CFAP418: variants seen among roughly 807,000 people sequenced by gnomAD.
CFAP418 encodes the protein cilia and flagella associated protein 418.
Under a neutral mutation model 24.7 loss-of-function variants are expected in CFAP418, and 27 were observed. The ratio of observed to expected loss-of-function variants is 1.09; its 90% confidence interval spans 0.81 to 1.51. The LOEUF is 1.51. Among genes scored for constraint, CFAP418 ranks in the 40% most tolerant of loss-of-function variants. The probability of loss-of-function intolerance (pLI) is 0.00; values close to 1 mark genes in which losing one functional copy is unlikely to be tolerated. For synonymous variants in CFAP418, 74 were observed against 87.3 expected (o/e 0.85, Z 0.85); for missense variants, 257 against 255.2 (o/e 1.01, Z -0.05).
chr8:95,251,560 G>A lies in CFAP418; in HGVS notation c.470+628C>T, dbSNP rs559531731. Among the ~76,000 whole-genome samples, 3 of 152,288 alleles carry A rather than the reference G, an allele frequency of 2.0e-5. No individual in the cohort carries two copies. The East Asian group carries it at 5.8e-4, about 29-fold the overall frequency. ...GTAAGTGGAAGGGTGTTGAGCAGGA[G>A]GACGGTATACTCTGAGCTATGCTTT... On this transcript the variant is annotated intron_variant, in intron 5 of 5. Transcript: ENST00000286688.
intron 5 of CFAP418, among the ~76,000 whole-genome samples, 199 bp downstream of exon 5, chr8:95,251,989 C>T (rs748270720): frequency 2.6e-5 from 4 of 151,866 alleles, no homozygotes; most frequent in Non-Finnish European, 5.9e-5. Flanking sequence ...TTTTCAACTC[C>T]GTCATAATCT....
chr8:95,261,729 T>G (rs1184056838), intron 2 of CFAP418, among the ~76,000 whole-genome samples: 1 of 152,208 alleles, frequency 6.6e-6, no homozygotes, highest in Non-Finnish European at 1.5e-5. Context: ...AATTTACTTC[T>G]TCATGATTAT....
At chr8:95,249,656 GAA>G (rs58288207) in intron 5 of CFAP418, among the ~76,000 whole-genome samples, 4 of 140,712 alleles carry the variant, frequency 2.8e-5, no homozygotes, top group Admixed American at 7.1e-5. Context: ...GATTGGCTCA[GAA>G]AAAAAAAAAA....
intron 5 of CFAP418, among the ~76,000 whole-genome samples, chr8:95,248,389 C>T (rs1811658951): frequency 6.6e-6 from 1 of 152,086 alleles, no homozygotes; most frequent in Non-Finnish European, 1.5e-5. Flanking sequence ...TGGTTCATTT[C>T]CTACCTCAGA....
intron 5 of CFAP418, among the ~76,000 whole-genome samples, chr8:95,251,432 G>T (rs1478462526): frequency 2.0e-5 from 3 of 152,210 alleles, no homozygotes. Context: ...ATCTTGCAAA[G>T]GTGAAATATA....
intron 2 of CFAP418, 104 bp downstream of exon 2, chr8:95,263,583 A>T (rs1811926714): frequency 1.6e-6 from 1 of 634,844 alleles, no homozygotes; most frequent in Non-Finnish European, 2.7e-6. Flanking sequence ...TATTTCTCAG[A>T]ATTCAAAAGA....
intron 5 of CFAP418, among the ~76,000 whole-genome samples, chr8:95,249,261 A>T (rs1811672774): frequency 6.6e-6 from 1 of 152,204 alleles, no homozygotes; most frequent in Non-Finnish European, 1.5e-5. Context: ...CTTAGGGAAA[A>T]ATCATTCCAT....
intron 4 of CFAP418, among the ~76,000 whole-genome samples, chr8:95,252,976 C>T (rs1811731349): frequency 6.6e-6 from 1 of 152,140 alleles, no homozygotes; most frequent in Non-Finnish European, 1.5e-5. Context: ...ACGACCCCCA[C>T]AAAAAATTCC....
chr8:95,255,019 C>T (rs907531240), intron 4 of CFAP418, among the ~76,000 whole-genome samples: 5 of 152,168 alleles, frequency 3.3e-5, no homozygotes, highest in Non-Finnish European at 5.9e-5. Flanking sequence ...ATTGCTACCA[C>T]GCAGGTCACA....
intron 4 of CFAP418, 36 bp from the exon 5 acceptor site, chr8:95,252,319 T>C: frequency 1.5e-6 from 2 of 1,366,778 alleles, no homozygotes; most frequent in Non-Finnish European, 2.1e-6. Context: ...TTAAAGATTA[T>C]TGGTATCTTT....
At position 95,246,775 on chromosome 8, in the gene CFAP418, C is replaced by T. The variant is rs1811628646; in HGVS notation, c.*842G>A. On this transcript the variant is annotated 3_prime_UTR_variant, in exon 6 of 6. Coordinates refer to ENST00000286688, the MANE Select transcript of CFAP418 (RefSeq NM_177965.4). ...AAACGATATGTCAACCTGATCCTAC[C>T]AGAGAAGTCCACAGGCTGCCTGAAA... The T allele has an allele frequency of 6.6e-6, 1 of 152,136 alleles. No individual in the cohort carries two copies. The highest frequency in any genetic ancestry group is 2.4e-5 in the African/African-American group (1 of 41,410). The allele number at this position is 152,136 out of a possible 1,614,324, so 9.4% of individuals were successfully genotyped here.
Position 95,247,484 on chromosome 8 carries a change from G to T in CFAP418, c.*133C>A. On this transcript the variant is annotated 3_prime_UTR_variant, in exon 6 of 6. Transcript: ENST00000286688. ...GTCCATTTGGTCTTCAAAAATGTAT[G>T]TAGTTGTATCAATAAAATTCACTGC... 1.0e-6 allele frequency: 1 copy of T among 966,062 alleles called. No homozygotes were observed. The allele number at this position is 966,062 out of a possible 1,614,324, so 59.8% of individuals were successfully genotyped here.
intron 5 of CFAP418, among the ~76,000 whole-genome samples, chr8:95,248,470 A>G (rs1224095844): frequency 6.6e-6 from 1 of 152,238 alleles, no homozygotes; most frequent in Non-Finnish European, 1.5e-5. Flanking sequence ...CATAAAGATC[A>G]TAGGTTTCTG....
At chr8:95,257,962 C>G (rs35011650) in intron 4 of CFAP418, among the ~76,000 whole-genome samples, 1 of 152,064 alleles carries the variant, frequency 6.6e-6, no homozygotes, top group South Asian at 2.1e-4. Flanking sequence ...GTTGTACCCC[C>G]GCAACAAAGA....
chr8:95,264,061 T>C (rs1214381726), intron 1 of CFAP418, among the ~76,000 whole-genome samples: 1 of 152,212 alleles, frequency 6.6e-6, no homozygotes, highest in African/African-American at 2.4e-5. Flanking sequence ...TATGTACTTA[T>C]CTGAATTACA....
intron 1 of CFAP418, among the ~76,000 whole-genome samples, chr8:95,264,918 C>T (rs1587358056): frequency 6.6e-6 from 1 of 152,164 alleles, no homozygotes; most frequent in South Asian, 2.1e-4. Flanking sequence ...GAGGTATGCT[C>T]AAGGCTTGCT....
chr8:95,251,866 A>T (rs984051820), intron 5 of CFAP418, among the ~76,000 whole-genome samples: 2 of 152,200 alleles, frequency 1.3e-5, no homozygotes, highest in Non-Finnish European at 2.9e-5. Context: ...CTACTGTTCC[A>T]AGGCTACAAA....
intron 4 of CFAP418, among the ~76,000 whole-genome samples, chr8:95,256,096 G>T (rs1157952041): frequency 6.6e-6 from 1 of 152,100 alleles, no homozygotes; most frequent in African/African-American, 2.4e-5. Flanking sequence ...GCTGTTCTTT[G>T]GTTTACTGAA....
intron 4 of CFAP418, among the ~76,000 whole-genome samples, chr8:95,254,277 CCAA>C: frequency 6.6e-6 from 1 of 152,314 alleles, no homozygotes; most frequent in Non-Finnish European, 1.5e-5. Flanking sequence ...CCCTTTTCCA[CCAA>C]CAAGTGAAAG....
Sources: gnomAD v4.1 joint callset for allele counts (sites outside exome capture counted in the v4.1 genomes callset) on GRCh38, gnomAD v4.1.1 for gene constraint, MANE v1.5 for transcripts, NCBI Gene and HGNC (gene_info 2026-07-23, HGNC 2026-07-21) for gene names.